The following SMYD3 variants were observed in gnomAD, a reference collection of about 807,000 sequenced individuals.
SMYD3 encodes SET and MYND domain containing 3, also known as histone-lysine N-methyltransferase SMYD3.
A neutral mutation model predicts 57.7 loss-of-function variants in SMYD3; 36 were observed. That is an observed-to-expected ratio of 0.62 (90% confidence interval 0.48 to 0.82). The LOEUF is 0.82. SMYD3 is among the 40% of genes least tolerant of loss of function. The probability of loss-of-function intolerance (pLI) is 0.00; values close to 1 mark genes in which losing one functional copy is unlikely to be tolerated. For synonymous variants in SMYD3, 211 were observed against 195.0 expected, an observed-to-expected ratio of 1.08 and a Z score of -0.68; for missense variants, 515 against 538.8, an observed-to-expected ratio of 0.96 and a Z score of 0.44.
chr1:246,470,156 C>G (rs1187140897), intron 1 of SMYD3, among the ~76,000 whole-genome samples: 1 of 152,022 alleles, frequency 6.6e-6, no homozygotes, highest in Non-Finnish European at 1.5e-5. Context: ...GGAACTACTC[C>G]AGATTAATGG....
chr1:246,486,410 T>G (rs2103064772), intron 1 of SMYD3, among the ~76,000 whole-genome samples: 1 of 152,292 alleles, frequency 6.6e-6, no homozygotes. Context: ...CTTCTGACCT[T>G]TTAGGCCAAA....
chr1:245,915,596 G>A lies in SMYD3; in HGVS notation c.747C>T (p.Arg249=). The change falls in exon 8 of 12, where the codon CGC becomes CGT. Residue 249 remains arginine (R), a synonymous_variant. Coordinates refer to ENST00000490107, the MANE Select transcript of SMYD3 (RefSeq NM_001167740.2). ...AGTACTGGTCCCTCAGCTGCTTCCG[G>A]CGCTCCTCACTGGTCATCAGCATAT... ...YLDMLMTSEE[R]RKQLRDQYCF... 1 of 1,613,994 alleles carries A rather than the reference G, an allele frequency of 6.2e-7. No homozygotes were observed. Among genetic ancestry groups the A allele is most frequent in the Non-Finnish European group, 8.5e-7 (1 of 1,179,966 alleles).
chr1:246,501,993 A>G (rs886805202), intron 1 of SMYD3, among the ~76,000 whole-genome samples: 1 of 152,082 alleles, frequency 6.6e-6, no homozygotes, highest in African/African-American at 2.4e-5. Flanking sequence ...TCTTACCCTC[A>G]TATATGAAGA....
At chr1:246,338,255 G>T (rs777941776) in intron 2 of SMYD3, among the ~76,000 whole-genome samples, 1 of 152,066 alleles carries the variant, frequency 6.6e-6, no homozygotes, top group Non-Finnish European at 1.5e-5. Flanking sequence ...TACCATAAGG[G>T]TTACGAATAC....
chr1:245,990,688 A>G (rs147402133), intron 5 of SMYD3, among the ~76,000 whole-genome samples: 1,828 of 152,324 alleles, frequency 0.012, 14 homozygotes, highest in Middle Eastern at 0.085. Flanking sequence ...GGCCTCTAGA[A>G]GCTGGAAAAG....
chr1:245,803,629 C>G (rs1028519349), intron 10 of SMYD3, among the ~76,000 whole-genome samples: 1 of 152,092 alleles, frequency 6.6e-6, no homozygotes, highest in Non-Finnish European at 1.5e-5. Context: ...TGTAACAAAA[C>G]GACATTATAG....
At chr1:246,035,019 T>A (rs934720951) in intron 5 of SMYD3, among the ~76,000 whole-genome samples, 11 of 152,036 alleles carry the variant, frequency 7.2e-5, no homozygotes, top group Non-Finnish European at 1.5e-5. Flanking sequence ...AAAATAAAAT[T>A]AGGAGGAAAG....
chr1:246,156,279 AAAC>A (rs1407684359), intron 5 of SMYD3, among the ~76,000 whole-genome samples: 1 of 152,176 alleles, frequency 6.6e-6, no homozygotes, highest in Non-Finnish European at 1.5e-5. Context: ...AAACAAAATA[AAAC>A]AACAACGTGA....
At chr1:246,102,674 G>A (rs1275880215) in intron 5 of SMYD3, among the ~76,000 whole-genome samples, 2 of 151,954 alleles carry the variant, frequency 1.3e-5, no homozygotes, top group African/African-American at 2.4e-5. Context: ...TTGGGAGGCT[G>A]AGGCAGGAGG....
chr1:246,287,855 A>G (rs1483602793), intron 5 of SMYD3, among the ~76,000 whole-genome samples: 2 of 152,146 alleles, frequency 1.3e-5, no homozygotes, highest in Non-Finnish European at 2.9e-5. Context: ...TGTGCTTTCT[A>G]AATTCCTAAA....
At chr1:246,131,896 GA>G (rs1474106319) in intron 5 of SMYD3, among the ~76,000 whole-genome samples, 1 of 145,146 alleles carries the variant, frequency 6.9e-6, no homozygotes, top group Non-Finnish European at 1.5e-5. Context: ...CTGAAGGTCA[GA>G]AAAAGACTAT....
rs1003531118 is a variant in SMYD3, at chr1:245,984,144, C to T, written c.532-54207G>A. On this transcript the variant is annotated intron_variant, in intron 5 of 11. Transcript: ENST00000490107. The stretch of plus-strand genomic sequence containing the variant: ...CCACCCAAGTAGCTGGGATTACAGG[C>T]GCCTGCCACCACGCCCGGGTAATTT... Among the ~76,000 whole-genome samples, 18 of 151,880 alleles carry T rather than the reference C, an allele frequency of 1.2e-4. No homozygotes were observed. In the East Asian group the frequency reaches 2.3e-3, roughly 20 times the overall value.
chr1:246,235,721 T>C (rs976342022), intron 5 of SMYD3, among the ~76,000 whole-genome samples: 6 of 152,040 alleles, frequency 3.9e-5, no homozygotes, highest in Non-Finnish European at 2.9e-5. Flanking sequence ...GCCTCTCCTC[T>C]AGGAAGGGGA....
chr1:246,198,505 G>T (rs971469782), intron 5 of SMYD3, among the ~76,000 whole-genome samples: 5 of 152,146 alleles, frequency 3.3e-5, no homozygotes, highest in Non-Finnish European at 5.9e-5. Context: ...AATGACCGGG[G>T]TACATAGTAT....
chr1:246,152,876 CTG>C (rs75144519), intron 5 of SMYD3, among the ~76,000 whole-genome samples: 25,986 of 152,114 alleles, frequency 0.17, 2,989 homozygotes, highest in African/African-American at 0.3. Context: ...GTTTTGAGGA[CTG>C]TGTTACTACA....
At chr1:246,291,602 A>G (rs1369214119) in intron 5 of SMYD3, among the ~76,000 whole-genome samples, 4 of 152,240 alleles carry the variant, frequency 2.6e-5, no homozygotes, top group Non-Finnish European at 4.4e-5. Flanking sequence ...AATAGCAATG[A>G]CAAGAAAAAC....
At chr1:245,931,046 C>T (rs190511811) in intron 5 of SMYD3, among the ~76,000 whole-genome samples, 169 of 152,250 alleles carry the variant, frequency 1.1e-3, no homozygotes, top group Non-Finnish European at 1.9e-3. Context: ...GTGACCAAAG[C>T]GGAGCAAGAA....
intron 1 of SMYD3, among the ~76,000 whole-genome samples, chr1:246,390,740 T>C (rs1275947524): frequency 6.6e-6 from 1 of 152,164 alleles, no homozygotes; most frequent in African/African-American, 2.4e-5. Flanking sequence ...GTCATTGAAA[T>C]CTGATTTGTA....
intron 5 of SMYD3, among the ~76,000 whole-genome samples, chr1:246,171,536 A>G (rs1300550465): frequency 2.6e-5 from 4 of 152,190 alleles, no homozygotes; most frequent in African/African-American, 9.7e-5. Flanking sequence ...CATCATAGAC[A>G]CACTAACGCA....
Sources: gnomAD v4.1 joint callset for allele counts (sites outside exome capture counted in the v4.1 genomes callset) on GRCh38, gnomAD v4.1.1 for gene constraint, MANE v1.5 for transcripts, NCBI Gene and HGNC (gene_info 2026-07-23, HGNC 2026-07-21) for gene names.